MRAP2: variants seen among roughly 807,000 people sequenced by gnomAD.
MRAP2 encodes melanocortin 2 receptor accessory protein 2.
In MRAP2, 20 loss-of-function variants were observed where a neutral mutation model predicts 17.4. The ratio of observed to expected loss-of-function variants is 1.15; its 90% CI spans 0.81 to 1.67. The LOEUF is 1.67. Among genes scored for constraint, MRAP2 ranks in the 40% most tolerant of loss-of-function variants. The pLI, the probability that MRAP2 is intolerant of heterozygous loss-of-function variation, is 0.00. For synonymous variants in MRAP2, 96 were observed against 88.4 expected (o/e 1.09, Z -0.48); for missense variants, 238 against 240.0 (o/e 0.99, Z 0.05).
At chr6:84,100,007 ATG>A in the MRAP2 span, among the ~76,000 whole-genome samples, 2 of 151,982 alleles carry the variant, frequency 1.3e-5, no homozygotes, top group Non-Finnish European at 2.9e-5. Flanking sequence ...TTACAGGCGC[ATG>A]CCCCCATGCC....
At chr6:84,069,146 A>C (rs6918019) in intron 3 of MRAP2, among the ~76,000 whole-genome samples, 9,200 of 151,590 alleles carry the variant, frequency 0.061, 894 homozygotes, top group African/African-American at 0.21. Flanking sequence ...GTTGAAGAGG[A>C]GTGGTGGGAG....
At chr6:84,118,614 G>C in the MRAP2 span, among the ~76,000 whole-genome samples, 1 of 152,272 alleles carries the variant, frequency 6.6e-6, no homozygotes, top group African/African-American at 2.4e-5. Context: ...GGGCTGAGTT[G>C]ACCAAACAGC....
chr6:84,045,357 C>G, intron 1 of MRAP2: 1 of 985,340 alleles, frequency 1.0e-6, no homozygotes, highest in Non-Finnish European at 1.2e-6. Flanking sequence ...TTATGAAGGC[C>G]CTGGAGTAGG....
At chr6:84,111,815 G>C in the MRAP2 span, among the ~76,000 whole-genome samples, 6 of 152,118 alleles carry the variant, frequency 3.9e-5, no homozygotes, top group African/African-American at 9.7e-5. Flanking sequence ...TAGCATGAAG[G>C]GCTGTTGAAT....
intron 3 of MRAP2, among the ~76,000 whole-genome samples, chr6:84,076,430 G>A (rs988835603): frequency 3.3e-5 from 5 of 151,934 alleles, no homozygotes; most frequent in Non-Finnish European, 7.4e-5. Flanking sequence ...CTCCATGTTG[G>A]CCAAGCTGGT....
chr6:84,076,551 G>C (rs1348551964), intron 3 of MRAP2, among the ~76,000 whole-genome samples: 3 of 152,050 alleles, frequency 2.0e-5, no homozygotes. Context: ...GTAGAGACAG[G>C]GTTTCACCAC....
At chr6:84,036,517 G>A (rs538486659) in intron 1 of MRAP2, among the ~76,000 whole-genome samples, 9 of 152,242 alleles carry the variant, frequency 5.9e-5, no homozygotes, top group African/African-American at 2.2e-4. Flanking sequence ...CCTTCTGGTG[G>A]GTTTGTGGTC....
the MRAP2 span, among the ~76,000 whole-genome samples, chr6:84,118,683 CCT>C: frequency 7.2e-5 from 11 of 152,080 alleles, no homozygotes; most frequent in Non-Finnish European, 1.5e-4. Flanking sequence ...CAGGCTCTAC[CCT>C]GTTGCCAGTG....
At chr6:84,042,672 A>G (rs1426312869) in intron 1 of MRAP2, among the ~76,000 whole-genome samples, 4 of 152,164 alleles carry the variant, frequency 2.6e-5, no homozygotes, top group African/African-American at 4.8e-5. Flanking sequence ...TGAGGAGGCT[A>G]TGGGGTGCCT....
chr6:84,043,938 C>T (rs755720860), intron 1 of MRAP2, among the ~76,000 whole-genome samples: 7 of 152,038 alleles, frequency 4.6e-5, no homozygotes, highest in African/African-American at 7.2e-5. Flanking sequence ...TTGCTGAAGA[C>T]GGCATGTAGT....
In MRAP2 at chr6:84,084,922, T is replaced by C. The variant is rs1304301963; in HGVS notation, c.228-4169T>C. 3.7e-3 allele frequency among the ~76,000 whole-genome samples: 406 copies of C among 109,482 alleles called. 4 individuals are homozygous for C. The highest frequency in any genetic ancestry group is 0.014 in the African/African-American group (388 of 27,276). The allele number at this position is 109,482 out of a possible 152,430, so 71.8% of individuals were successfully genotyped here. A position where few individuals can be genotyped will look rare whatever the true frequency, so the allele number is the denominator to read the frequency against. Reference sequence around the variant, plus strand: ...TATTTTATTTTATTTTATTTATTTATTTTATTTTACTTTATTTTATTTTAT... The same window carrying C: ...TATTTTATTTTATTTTATTTATTTACTTTATTTTACTTTATTTTATTTTAT... On this transcript the variant is annotated intron_variant, in intron 3 of 3. Transcript: ENST00000257776.
chr6:84,050,286 A>C (rs1371955428), intron 1 of MRAP2, among the ~76,000 whole-genome samples: 1 of 152,328 alleles, frequency 6.6e-6, no homozygotes, highest in Admixed American at 6.5e-5. Flanking sequence ...AGTAAACTTG[A>C]GAATAACACC....
the MRAP2 span, among the ~76,000 whole-genome samples, chr6:84,144,895 T>C: frequency 2.0e-5 from 3 of 152,236 alleles, no homozygotes; most frequent in African/African-American, 7.2e-5. Context: ...CCTCTATCTC[T>C]CCAGAAACCA....
At chr6:84,139,562 C>T in the MRAP2 span, among the ~76,000 whole-genome samples, 1 of 152,250 alleles carries the variant, frequency 6.6e-6, no homozygotes, top group South Asian at 2.1e-4. Context: ...TTCTGGGATA[C>T]CCCATCCACT....
At chr6:84,088,719 A>G (rs1049753376) in intron 3 of MRAP2, among the ~76,000 whole-genome samples, 3 of 152,218 alleles carry the variant, frequency 2.0e-5, no homozygotes, top group Non-Finnish European at 4.4e-5. Context: ...CTACATTCAC[A>G]GATTCTGAGG....
At chr6:84,088,643 G>A (rs1374589453) in intron 3 of MRAP2, among the ~76,000 whole-genome samples, 4 of 152,080 alleles carry the variant, frequency 2.6e-5, no homozygotes, top group Admixed American at 1.3e-4. Context: ...TTTTTAGGCC[G>A]GTGGTTCTAA....
At chr6:84,086,166 C>CA (rs1562892468) in intron 3 of MRAP2, among the ~76,000 whole-genome samples, 1 of 152,196 alleles carries the variant, frequency 6.6e-6, no homozygotes. Context: ...TGAAAATACT[C>CA]ATGCCATATA....
At chr6:84,096,314 C>T in the MRAP2 span, among the ~76,000 whole-genome samples, 5 of 152,090 alleles carry the variant, frequency 3.3e-5, no homozygotes, top group African/African-American at 1.2e-4. Flanking sequence ...CCCAGATAAC[C>T]TTGGGTATAC....
At chr6:84,125,413 A>G in the MRAP2 span, 2 of 704,506 alleles carry the variant, frequency 2.8e-6, no homozygotes, top group Non-Finnish European at 4.9e-6. Flanking sequence ...TGGATGCAAC[A>G]TTTTCTGTCT....
Sources: allele counts gnomAD v4.1 joint callset (sites outside exome capture counted in the v4.1 genomes callset), GRCh38; gene constraint gnomAD v4.1.1; transcripts MANE v1.5; gene names NCBI Gene and HGNC (gene_info 2026-07-23, HGNC 2026-07-21).